The following COL5A2 variants were observed in gnomAD, a reference collection of about 807,000 sequenced individuals.
COL5A2 encodes collagen alpha-2(V) chain.
A neutral mutation model predicts 208.2 loss-of-function variants in COL5A2; 23 were observed. The observed-to-expected ratio is 0.11, with a 90% CI of 0.08 to 0.16. The LOEUF (loss-of-function observed/expected upper bound fraction) is 0.16, where lower values mean the gene tolerates loss of function less well. Among genes scored for constraint, COL5A2 ranks in the 10% least tolerant of loss-of-function variants. The pLI is 1.00. For missense variants in COL5A2, 1,590 were observed against 1,956.4 expected (o/e 0.81, Z 3.53); for synonymous variants, 625 against 628.5 (o/e 0.99, Z 0.08).
At chr2:189,148,641 G>A (rs1397312792) in intron 1 of COL5A2, among the ~76,000 whole-genome samples, 1 of 152,198 alleles carries the variant, frequency 6.6e-6, no homozygotes, top group East Asian at 1.9e-4. Flanking sequence ...ATTATGAAAT[G>A]CTATAACAAT....
At chr2:189,303,131 A>G in the COL5A2 span, among the ~76,000 whole-genome samples, 2,496 of 152,306 alleles carry the variant, frequency 0.016, 23 homozygotes, top group Middle Eastern at 0.037. Context: ...ACAGTGCATG[A>G]TAAGTGCTTA....
intron 1 of COL5A2, among the ~76,000 whole-genome samples, chr2:189,152,649 T>G (rs986438891): frequency 6.6e-6 from 1 of 152,158 alleles, no homozygotes; most frequent in African/African-American, 2.4e-5. Flanking sequence ...ATTTTTAGGT[T>G]CCAACTCCCG....
chr2:189,089,370 G>A (rs955988948), intron 7 of COL5A2, among the ~76,000 whole-genome samples: 1 of 152,124 alleles, frequency 6.6e-6, no homozygotes, highest in Non-Finnish European at 1.5e-5. Flanking sequence ...TAATCAAACT[G>A]ACCAAAATTG....
intron 26 of COL5A2, 114 bp from the exon 27 acceptor site, chr2:189,063,384 C>T: frequency 2.3e-6 from 2 of 882,036 alleles, no homozygotes; most frequent in South Asian, 1.4e-5. Context: ...AATTATCTTG[C>T]ATTTTCATGT....
chr2:189,288,292 A>ATTAGGGGTTTT, the COL5A2 span, among the ~76,000 whole-genome samples: 3 of 152,178 alleles, frequency 2.0e-5, no homozygotes, highest in African/African-American at 7.2e-5. Flanking sequence ...TTATAAAGGT[A>ATTAGGGGTTTT]TTAGGGGTTT....
In COL5A2 at chr2:189,079,100, G is replaced by T; in HGVS notation, c.968C>A (p.Ala323Asp). The T allele has an allele frequency of 6.2e-7, 1 of 1,612,378 alleles. No individual in the cohort carries two copies. The highest frequency in any genetic ancestry group is 2.2e-5 in the East Asian group (1 of 44,844). The change falls in exon 15 of 54, where the codon GCT becomes GAT. Residue 323 changes from alanine to aspartate, a missense_variant. Ala to Asp is a moderately radical substitution (Grantham distance 126, BLOSUM62 -2). Coordinates refer to ENST00000374866, the MANE Select transcript of COL5A2 (RefSeq NM_000393.5). ...EVGAPGSKGE[A>D]GPTGPMGAMG... ...GGCACCCATTGGACCAGTGGGGCCA[G>T]CTTCACCCTAAAAAAAAATGAGAAT... is the stretch of plus-strand genomic sequence containing the variant.
At chr2:189,163,386 A>T (rs1420671402) in intron 1 of COL5A2, among the ~76,000 whole-genome samples, 1 of 152,240 alleles carries the variant, frequency 6.6e-6, no homozygotes, top group Non-Finnish European at 1.5e-5. Flanking sequence ...AACACAACAC[A>T]TGATGCATTT....
intron 1 of COL5A2, among the ~76,000 whole-genome samples, chr2:189,132,631 A>G (rs1438278392): frequency 6.6e-6 from 1 of 152,184 alleles, no homozygotes; most frequent in Admixed American, 6.5e-5. Flanking sequence ...GTCAAAATTA[A>G]TAAAACAGGC....
chr2:189,091,612 A>G (rs531430112), intron 7 of COL5A2, among the ~76,000 whole-genome samples: 2 of 152,178 alleles, frequency 1.3e-5, no homozygotes, highest in Non-Finnish European at 2.9e-5. Context: ...GCTATTACAC[A>G]CTTTATAACA....
chr2:189,291,896 A>G, the COL5A2 span, among the ~76,000 whole-genome samples: 1 of 152,088 alleles, frequency 6.6e-6, no homozygotes, highest in Non-Finnish European at 1.5e-5. Flanking sequence ...TGTATCTTCT[A>G]TAGAAACCTA....
chr2:189,256,956 G>C, the COL5A2 span, among the ~76,000 whole-genome samples: 2 of 152,170 alleles, frequency 1.3e-5, no homozygotes, highest in Non-Finnish European at 2.9e-5. Flanking sequence ...TACCTGCATA[G>C]TATTCCCTTT....
the COL5A2 span, among the ~76,000 whole-genome samples, chr2:189,273,762 A>G: frequency 1.3e-5 from 2 of 152,288 alleles, no homozygotes; most frequent in South Asian, 4.1e-4. Context: ...AAAGACAAAT[A>G]TCATGGGATC....
chr2:189,083,526 T>C (rs1235073859), intron 12 of COL5A2, among the ~76,000 whole-genome samples: 1 of 152,068 alleles, frequency 6.6e-6, no homozygotes, highest in Admixed American at 6.5e-5. Context: ...TGTCTCTAGT[T>C]GATAAAAAAC....
At chr2:189,041,498 G>A in intron 50 of COL5A2, 88 bp downstream of exon 50, 1 of 1,056,570 alleles carries the variant, frequency 9.5e-7, no homozygotes, top group East Asian at 2.4e-5. Flanking sequence ...TAAGTCTCTT[G>A]TCAATCGGGC....
chr2:189,256,072 C>A, the COL5A2 span, among the ~76,000 whole-genome samples: 1 of 152,106 alleles, frequency 6.6e-6, no homozygotes, highest in Non-Finnish European at 1.5e-5. Flanking sequence ...CTATCTCGTG[C>A]CTGTTATATT....
chr2:189,420,514 T>C, the COL5A2 span, among the ~76,000 whole-genome samples: 1 of 152,144 alleles, frequency 6.6e-6, no homozygotes, highest in African/African-American at 2.4e-5. Flanking sequence ...TAATTGTGCA[T>C]CCCAATAGTT....
the COL5A2 span, among the ~76,000 whole-genome samples, chr2:189,414,587 T>C: frequency 6.6e-6 from 1 of 151,690 alleles, no homozygotes; most frequent in Non-Finnish European, 1.5e-5. Context: ...CCGTCTCTAC[T>C]AAAAATACAA....
At chr2:189,325,180 G>T in the COL5A2 span, among the ~76,000 whole-genome samples, 8 of 152,072 alleles carry the variant, frequency 5.3e-5, no homozygotes, top group Admixed American at 5.2e-4. Flanking sequence ...GGTGGGGGAA[G>T]GGGGAGGGAT....
At chr2:189,116,516 G>A (rs1687394178) in intron 1 of COL5A2, among the ~76,000 whole-genome samples, 1 of 152,160 alleles carries the variant, frequency 6.6e-6, no homozygotes, top group South Asian at 2.1e-4. Flanking sequence ...AGCCACCAGG[G>A]ATACCTGAGG....
Sources: allele counts gnomAD v4.1 joint callset (sites outside exome capture counted in the v4.1 genomes callset), GRCh38; gene constraint gnomAD v4.1.1; transcripts MANE v1.5; gene names NCBI Gene and HGNC (gene_info 2026-07-23, HGNC 2026-07-21).